The following KCTD8 variants were observed in gnomAD, a reference collection of about 807,000 sequenced individuals.
KCTD8 encodes the protein potassium channel tetramerization domain containing 8, also known as BTB/POZ domain-containing protein KCTD8.
In KCTD8, 27 loss-of-function variants were observed where a neutral mutation model predicts 31.5. The ratio of observed to expected loss-of-function variants is 0.86; its 90% CI spans 0.63 to 1.18. The LOEUF (loss-of-function observed/expected upper bound fraction) is 1.18. Among genes scored for constraint, KCTD8 ranks in the 50% most tolerant of loss-of-function variants. The pLI is 0.00. For synonymous variants in KCTD8, 290 were observed against 280.0 expected (o/e 1.04, Z -0.36); for missense variants, 658 against 647.7 (o/e 1.02, Z -0.17).
chr4:44,203,511 A>T (rs1714212629), intron 1 of KCTD8, among the ~76,000 whole-genome samples: 1 of 151,272 alleles, frequency 6.6e-6, no homozygotes. Context: ...AAAAAAAAAA[A>T]AAAGGAATAA....
chr4:44,411,810 G>A (rs1720965296), intron 1 of KCTD8, among the ~76,000 whole-genome samples: 1 of 152,068 alleles, frequency 6.6e-6, no homozygotes, highest in East Asian at 1.9e-4. Context: ...GCCAAGGAAT[G>A]CCAAGGATTG....
At chr4:44,340,656 T>A (rs1718874946) in intron 1 of KCTD8, among the ~76,000 whole-genome samples, 1 of 151,990 alleles carries the variant, frequency 6.6e-6, no homozygotes, top group Non-Finnish European at 1.5e-5. Flanking sequence ...TTGTGACGTA[T>A]TTGAAAATGG....
chr4:44,255,362 A>T lies in KCTD8; in HGVS notation c.962-80112T>A, dbSNP rs75192624. On this transcript the variant is annotated intron_variant, in intron 1 of 1. Transcript: ENST00000360029. ...AATATCATGTCTCAATATAGTTATA[A>T]TTTTTTCATTCTCTTGTTTCTGAAA... is the stretch of plus-strand genomic sequence containing the variant. Among the ~76,000 whole-genome samples, 1,434 of 151,506 alleles carry T rather than the reference A, an allele frequency of 9.5e-3. 22 individuals carry two copies. The highest frequency in any genetic ancestry group is 0.033 in the African/African-American group (1,362 of 41,362).
At chr4:44,183,065 G>A (rs1035831881) in intron 1 of KCTD8, among the ~76,000 whole-genome samples, 2 of 152,144 alleles carry the variant, frequency 1.3e-5, no homozygotes, top group African/African-American at 2.4e-5. Context: ...TTGGATAATT[G>A]TAATGTTTCC....
chr4:44,419,633 T>C (rs1166379720), intron 1 of KCTD8, among the ~76,000 whole-genome samples: 1 of 151,830 alleles, frequency 6.6e-6, no homozygotes, highest in East Asian at 2.0e-4. Context: ...TTCTCACTCA[T>C]AGGTGGGAAC....
intron 1 of KCTD8, among the ~76,000 whole-genome samples, chr4:44,434,707 A>T (rs1227819459): frequency 1.3e-5 from 2 of 151,952 alleles, no homozygotes; most frequent in African/African-American, 4.8e-5. Context: ...AAGCCTACCT[A>T]ACATACCATC....
intron 1 of KCTD8, among the ~76,000 whole-genome samples, chr4:44,193,730 G>A (rs1178960850): frequency 1.3e-5 from 2 of 151,884 alleles, no homozygotes; most frequent in Non-Finnish European, 2.9e-5. Context: ...TGGGACCGAG[G>A]CTTTTTAACC....
intron 1 of KCTD8, among the ~76,000 whole-genome samples, chr4:44,425,622 T>TA (rs1721327262): frequency 6.6e-6 from 1 of 151,948 alleles, no homozygotes; most frequent in Admixed American, 6.6e-5. Context: ...AATCAATGAA[T>TA]AAAAAATACC....
intron 1 of KCTD8, among the ~76,000 whole-genome samples, chr4:44,273,349 C>A (rs1315229649): frequency 1.3e-5 from 2 of 151,772 alleles, no homozygotes; most frequent in African/African-American, 2.4e-5. Context: ...CATATGTGTA[C>A]GTATGTCATA....
Position 44,303,713 on chromosome 4 carries a change from G to T in KCTD8, c.962-128463C>A, listed in dbSNP as rs151175297. Reference sequence around the variant, plus strand: ...CTCCTGTAGTCCCAGTTACTTAGGAGGCTAAGGCAGAATTGCTTGAGCCCA... The same window carrying T: ...CTCCTGTAGTCCCAGTTACTTAGGATGCTAAGGCAGAATTGCTTGAGCCCA... On this transcript the variant is annotated intron_variant, in intron 1 of 1. Coordinates refer to ENST00000360029, the MANE Select transcript of KCTD8 (RefSeq NM_198353.3). Among the ~76,000 whole-genome samples, 1,400 of 152,036 alleles carry T rather than the reference G, an allele frequency of 9.2e-3. 12 individuals carry two copies. The highest frequency in any genetic ancestry group is 0.011 in the Admixed American group (175 of 15,274).
intron 1 of KCTD8, among the ~76,000 whole-genome samples, chr4:44,340,884 G>T (rs559057944): frequency 2.0e-5 from 3 of 152,090 alleles, no homozygotes; most frequent in Non-Finnish European, 4.4e-5. Flanking sequence ...ATTATCTGAT[G>T]TGATGATATG....
rs565424494 is a variant in KCTD8, at chr4:44,338,642, CTT to C, written c.961+108919_961+108920del. Among the ~76,000 whole-genome samples the C allele has an allele frequency of 1.8e-4, 27 of 152,222 alleles. 1 individual carries two copies. In the East Asian group the frequency reaches 5.2e-3, roughly 29 times the overall value. ...CCACACGTGTGGTTTCGATTTCTGA[CTT>C]TTTAATGCAACACATAAAAACTTTT... On this transcript the variant is annotated intron_variant, in intron 1 of 1. Coordinates refer to ENST00000360029, the MANE Select transcript of KCTD8 (RefSeq NM_198353.3).
intron 1 of KCTD8, among the ~76,000 whole-genome samples, chr4:44,326,070 A>T (rs889409024): frequency 6.6e-6 from 1 of 152,008 alleles, no homozygotes; most frequent in Non-Finnish European, 1.5e-5. Flanking sequence ...TGTGGAACAC[A>T]TATCCCTTGT....
intron 1 of KCTD8, among the ~76,000 whole-genome samples, chr4:44,357,788 TA>T (rs1233800202): frequency 1.3e-5 from 2 of 151,992 alleles, no homozygotes; most frequent in Non-Finnish European, 2.9e-5. Context: ...TCTTTTTGAA[TA>T]AATGCTCTCC....
rs541330564 is a variant in KCTD8 at position 44,425,450 on chromosome 4, G to A, written c.961+22113C>T. Among the ~76,000 whole-genome samples the A allele has an allele frequency of 2.6e-5, 4 of 152,016 alleles. No homozygotes were observed. In the South Asian group the frequency reaches 6.2e-4, roughly 24 times the overall value. ...TACTTTTTCATTTAATAAAAATAAG[G>A]AGATATTTCATTTTGGCTTGGAAAC... On this transcript the variant is annotated intron_variant, in intron 1 of 1. Transcript: ENST00000360029.
chr4:44,317,018 C>T (rs943323501), intron 1 of KCTD8, among the ~76,000 whole-genome samples: 10 of 149,186 alleles, frequency 6.7e-5, no homozygotes, highest in African/African-American at 2.4e-4. Context: ...AAAAAAAAAA[C>T]AAACAGGAAA....
intron 1 of KCTD8, among the ~76,000 whole-genome samples, chr4:44,350,086 C>A (rs952349198): frequency 6.6e-6 from 1 of 152,080 alleles, no homozygotes; most frequent in African/African-American, 2.4e-5. Flanking sequence ...ACTGAGATAA[C>A]ATTAGGGCAA....
At chr4:44,262,967 T>A (rs1203316997) in intron 1 of KCTD8, among the ~76,000 whole-genome samples, 1 of 152,116 alleles carries the variant, frequency 6.6e-6, no homozygotes, top group African/African-American at 2.4e-5. Context: ...TATTATGAAA[T>A]GAAACATATG....
intron 1 of KCTD8, among the ~76,000 whole-genome samples, chr4:44,406,280 T>C (rs1025626466): frequency 2.0e-5 from 3 of 152,072 alleles, no homozygotes; most frequent in African/African-American, 7.2e-5. Context: ...AAGCATAATA[T>C]CATACATTGA....
Sources: gnomAD v4.1 joint callset for allele counts (sites outside exome capture counted in the v4.1 genomes callset) on GRCh38, gnomAD v4.1.1 for gene constraint, MANE v1.5 for transcripts, NCBI Gene and HGNC (gene_info 2026-07-23, HGNC 2026-07-21) for gene names.